EFHB: variants seen among roughly 807,000 people sequenced by gnomAD.
EFHB encodes the protein EF-hand domain-containing family member B.
In EFHB, 91 loss-of-function variants were observed where a neutral mutation model predicts 87.2. The observed-to-expected ratio is 1.04, with a 90% confidence interval of 0.88 to 1.24. EFHB has a LOEUF of 1.24. EFHB is among the 50% of genes most tolerant of loss of function. The pLI is 0.00. For missense variants in EFHB, 1,084 were observed against 998.8 expected (o/e 1.09, Z -1.15); for synonymous variants, 325 against 333.6 (o/e 0.97, Z 0.28).
At chr3:19,903,801 G>T (rs1694749955) in intron 6 of EFHB, among the ~76,000 whole-genome samples, 1 of 152,114 alleles carries the variant, frequency 6.6e-6, no homozygotes, top group Non-Finnish European at 1.5e-5. Flanking sequence ...CTATAGATCT[G>T]GTGCAGTGGT....
intron 10 of EFHB, among the ~76,000 whole-genome samples, chr3:19,886,877 T>G (rs1694121126): frequency 6.6e-6 from 1 of 152,082 alleles, no homozygotes; most frequent in Non-Finnish European, 1.5e-5. Flanking sequence ...GAGTTACTTC[T>G]GAGACAATAA....
chr3:19,912,593 C>G (rs1036326895), intron 5 of EFHB, among the ~76,000 whole-genome samples: 12 of 152,022 alleles, frequency 7.9e-5, no homozygotes, highest in African/African-American at 2.9e-4. Context: ...CTGTGGTATC[C>G]AAACTACTCT....
chr3:19,890,312 G>T (rs1322028317), intron 9 of EFHB, among the ~76,000 whole-genome samples: 1 of 152,162 alleles, frequency 6.6e-6, no homozygotes, highest in Non-Finnish European at 1.5e-5. Flanking sequence ...TAGGGAGAAA[G>T]ATGATTAGAA....
In EFHB at chr3:19,910,377, G is replaced by A. The variant is rs552024402; in HGVS notation, c.1289-4628C>T. Among the ~76,000 whole-genome samples, 3 of 152,214 alleles carry A rather than the reference G, an allele frequency of 2.0e-5. No homozygotes were observed. The East Asian group carries it at 5.8e-4, about 30-fold the overall frequency. On this transcript the variant is annotated intron_variant, in intron 5 of 12. Coordinates refer to ENST00000295824, the MANE Select transcript of EFHB (RefSeq NM_144715.4). ...TGAGGTTCCTCTGTCTTTGGGAGGG[G>A]GAGGGAAGAGTGGGAAAGACTGTAT...
chr3:19,940,431 C>A, intron 1 of EFHB: 3 of 465,764 alleles, frequency 6.4e-6, no homozygotes, highest in South Asian at 4.7e-5. Context: ...TCTCAACAGC[C>A]TGATTCTTAT....
At chr3:19,937,237 CT>C (rs570049940), upstream of EFHB, among the ~76,000 whole-genome samples, 39 of 151,950 alleles carry the variant, frequency 2.6e-4, no homozygotes, top group South Asian at 1.9e-3. Flanking sequence ...CTCCTTAGTT[CT>C]TTTTTTATGG....
At chr3:19,923,510 C>T (rs1695511115) in intron 1 of EFHB, among the ~76,000 whole-genome samples, 1 of 152,134 alleles carries the variant, frequency 6.6e-6, no homozygotes, top group Non-Finnish European at 1.5e-5. Flanking sequence ...GTGACTGGGA[C>T]TACAAGTGTG....
chr3:19,897,432 G>A (rs1371707325), intron 8 of EFHB, among the ~76,000 whole-genome samples: 3 of 152,072 alleles, frequency 2.0e-5, no homozygotes, highest in African/African-American at 7.2e-5. Context: ...CCCAACTAGA[G>A]TTGACCATGC....
chr3:19,911,163 C>T (rs1695050514), intron 5 of EFHB, among the ~76,000 whole-genome samples: 1 of 152,080 alleles, frequency 6.6e-6, no homozygotes, highest in Admixed American at 6.5e-5. Flanking sequence ...ATAGAGAATT[C>T]AAAATAGCTG....
Position 19,884,605 on chromosome 3 carries a change from T to C in EFHB, c.1944A>G (p.Pro648=). The C allele has an allele frequency of 6.2e-7, 1 of 1,612,554 alleles. No homozygotes were observed. The highest frequency in any genetic ancestry group is 8.5e-7 in the Non-Finnish European group (1 of 1,179,558). Residue 648 remains proline, a synonymous_variant, in exon 11 of 13, where the codon CCA becomes CCG. Transcript: ENST00000295824. ...TAGCCTCAGTAGGGTTTACACAATCTGGTTTTCTACCTTTAAGGAAAATAA... is the reference window on the plus strand; with the variant it reads ...TAGCCTCAGTAGGGTTTACACAATCCGGTTTTCTACCTTTAAGGAAAATAA... ...EERVIIKGRK[P]DCVNPTEANV...
chr3:19,920,705 T>C (rs981774956), intron 1 of EFHB, 138 bp from the exon 2 acceptor site: 1 of 607,578 alleles, frequency 1.6e-6, no homozygotes, highest in Admixed American at 3.7e-5. Context: ...GAAGAACAAA[T>C]AGTAAATGTA....
At chr3:19,882,436 T>C in intron 12 of EFHB, 114 bp downstream of exon 12, 1 of 976,210 alleles carries the variant, frequency 1.0e-6, no homozygotes, top group Non-Finnish European at 1.4e-6. Context: ...AAGAATCCTA[T>C]ACTTGGGGAT....
chr3:19,918,646 C>T (rs1269804750), intron 3 of EFHB, among the ~76,000 whole-genome samples: 1 of 151,954 alleles, frequency 6.6e-6, no homozygotes, highest in Non-Finnish European at 1.5e-5. Context: ...AAAAGGTTTA[C>T]AATGATAGCT....
chr3:19,904,952 A>G (rs1694791282), intron 6 of EFHB, among the ~76,000 whole-genome samples: 1 of 152,216 alleles, frequency 6.6e-6, no homozygotes, highest in African/African-American at 2.4e-5. Flanking sequence ...GATATAAAAT[A>G]TAACGCAGGA....
At chr3:19,921,762 G>C (rs1255715478) in intron 1 of EFHB, among the ~76,000 whole-genome samples, 1 of 152,068 alleles carries the variant, frequency 6.6e-6, no homozygotes. Flanking sequence ...ATGGAGAAGA[G>C]ATATAGTGAG....
intron 1 of EFHB, chr3:19,946,807 G>C (rs1484362342): frequency 1.3e-5 from 2 of 152,252 alleles, no homozygotes; most frequent in Admixed American, 6.5e-5. Flanking sequence ...AAGTTATTTT[G>C]ATCTTCCCCC....
intron 4 of EFHB, among the ~76,000 whole-genome samples, chr3:19,916,151 G>A (rs530686994): frequency 1.2e-4 from 19 of 152,260 alleles, no homozygotes; most frequent in African/African-American, 4.3e-4. Context: ...AATGCCCTGT[G>A]GGGTAGCCAT....
intron 1 of EFHB, among the ~76,000 whole-genome samples, chr3:19,930,781 T>C (rs574784371): frequency 1.3e-5 from 2 of 152,188 alleles, no homozygotes; most frequent in African/African-American, 4.8e-5. Context: ...TTTTCTTTTT[T>C]GTATAGGCAG....
intron 6 of EFHB, among the ~76,000 whole-genome samples, chr3:19,902,723 G>C (rs10084654): frequency 6.6e-6 from 1 of 151,898 alleles, no homozygotes. Context: ...ACATTAAATC[G>C]TGCATATAAA....
Sources: allele counts gnomAD v4.1 joint callset (sites outside exome capture counted in the v4.1 genomes callset), GRCh38; gene constraint gnomAD v4.1.1; transcripts MANE v1.5; gene names NCBI Gene and HGNC (gene_info 2026-07-23, HGNC 2026-07-21).